NKAIN3: variants seen among roughly 807,000 people sequenced by gnomAD.
The protein encoded by NKAIN3 is sodium/potassium-transporting ATPase subunit beta-1-interacting protein 3.
In NKAIN3, 25 loss-of-function variants were observed where a neutral mutation model predicts 30.2. The ratio of observed to expected loss-of-function variants is 0.83; its 90% CI spans 0.60 to 1.16. The LOEUF is 1.16. Ranked by LOEUF, NKAIN3 falls within the 50% of genes most tolerant of loss-of-function variation. NKAIN3 has a pLI of 0.00. For synonymous variants in NKAIN3, 91 were observed against 89.6 expected, an observed-to-expected ratio of 1.02 and a Z score of -0.09; for missense variants, 225 against 254.1, an observed-to-expected ratio of 0.89 and a Z score of 0.78.
In NKAIN3 at chr8:62,581,470, C is replaced by G. The variant is rs898386671; in HGVS notation, c.192+1794C>G. Among the ~76,000 whole-genome samples, 13 of 152,336 alleles carry G rather than the reference C, an allele frequency of 8.5e-5. No homozygotes were observed. The East Asian group carries it at 2.5e-3, about 29-fold the overall frequency. ...CATTTAGTCCTGGTGATTTTACCCT[C>G]TAAATGTTAACCGTATGCACTATTC... On this transcript the variant is annotated intron_variant, in intron 2 of 6. Coordinates refer to ENST00000623646, the MANE Select transcript of NKAIN3 (RefSeq NM_001304533.3).
intron 4 of NKAIN3, among the ~76,000 whole-genome samples, chr8:62,899,817 T>G (rs1179045698): frequency 6.6e-6 from 1 of 152,162 alleles, no homozygotes; most frequent in East Asian, 1.9e-4. Flanking sequence ...GGGATTATTA[T>G]GCATTCCATG....
At chr8:62,908,405 C>T (rs978075483) in intron 4 of NKAIN3, among the ~76,000 whole-genome samples, 1 of 152,078 alleles carries the variant, frequency 6.6e-6, no homozygotes, top group South Asian at 2.1e-4. Context: ...GTTGGGAAGG[C>T]ATGATTCATT....
chr8:62,537,432 A>G (rs906020217), intron 1 of NKAIN3, among the ~76,000 whole-genome samples: 1 of 152,176 alleles, frequency 6.6e-6, no homozygotes, highest in African/African-American at 2.4e-5. Flanking sequence ...GAGGAAGCCA[A>G]TATAAGTTAT....
Position 62,968,835 on chromosome 8 carries a change from T to C in NKAIN3, c.*3428T>C, listed in dbSNP as rs1043453567. On this transcript the variant is annotated 3_prime_UTR_variant, in exon 7 of 7. Coordinates refer to ENST00000623646, the MANE Select transcript of NKAIN3 (RefSeq NM_001304533.3). ...CTGGGATGCTTTCGAGCTTACTTTT[T>C]CTTTATTTGAGCTTCTGGTCATGTT... Among the ~76,000 whole-genome samples the C allele has an allele frequency of 1.5e-4, 23 of 152,268 alleles. No individual in the cohort carries two copies. The highest frequency in any genetic ancestry group is 5.3e-4 in the African/African-American group (22 of 41,560).
At chr8:62,607,949 CAT>C (rs1203644124) in intron 3 of NKAIN3, among the ~76,000 whole-genome samples, 1 of 152,116 alleles carries the variant, frequency 6.6e-6, no homozygotes, top group East Asian at 1.9e-4. Flanking sequence ...TCCTAGCAAG[CAT>C]AATCTTGCAA....
At chr8:62,488,106 G>A (rs1281593295) in intron 1 of NKAIN3, among the ~76,000 whole-genome samples, 1 of 152,026 alleles carries the variant, frequency 6.6e-6, no homozygotes, top group African/African-American at 2.4e-5. Context: ...TTATAAAGTT[G>A]GAGATCACTC....
intron 3 of NKAIN3, among the ~76,000 whole-genome samples, chr8:62,705,126 C>T (rs1442690603): frequency 6.6e-6 from 1 of 150,802 alleles, no homozygotes; most frequent in Non-Finnish European, 1.5e-5. Context: ...AACCATAAAA[C>T]ATCTTTTTTA....
intron 1 of NKAIN3, among the ~76,000 whole-genome samples, chr8:62,462,234 C>T (rs754766206): frequency 7.2e-5 from 11 of 151,962 alleles, no homozygotes; most frequent in African/African-American, 2.7e-4. Context: ...TCCATTTTTT[C>T]AAAGAAGTTA....
chr8:62,962,370 AAT>A (rs1223539380), intron 6 of NKAIN3, among the ~76,000 whole-genome samples: 2 of 152,254 alleles, frequency 1.3e-5, no homozygotes, highest in Non-Finnish European at 2.9e-5. Flanking sequence ...TCAACAAACC[AAT>A]TGTAATGAGA....
At chr8:62,328,105 A>G (rs1240811655) in intron 1 of NKAIN3, among the ~76,000 whole-genome samples, 1 of 152,098 alleles carries the variant, frequency 6.6e-6, no homozygotes, top group Non-Finnish European at 1.5e-5. Context: ...TTATAGACTG[A>G]AAAATGTATA....
intron 5 of NKAIN3, among the ~76,000 whole-genome samples, chr8:62,952,326 G>A (rs1823306190): frequency 6.6e-6 from 1 of 152,222 alleles, no homozygotes; most frequent in African/African-American, 2.4e-5. Context: ...GAATTCAAGT[G>A]CACAGGAAAC....
intron 3 of NKAIN3, among the ~76,000 whole-genome samples, chr8:62,624,980 C>T (rs1397512970): frequency 6.6e-6 from 1 of 151,958 alleles, no homozygotes; most frequent in Non-Finnish European, 1.5e-5. Flanking sequence ...GCTCTTTTTA[C>T]ATCGTCTATC....
intron 1 of NKAIN3, among the ~76,000 whole-genome samples, chr8:62,565,013 T>C (rs1211302408): frequency 6.6e-6 from 1 of 152,202 alleles, no homozygotes; most frequent in Admixed American, 6.6e-5. Context: ...AAGCATTTCA[T>C]ACACTTGGAA....
In NKAIN3 at chr8:62,687,734, G is replaced by A. The variant is rs531909241; in HGVS notation, c.274-59198G>A. Reference sequence around the variant, plus strand: ...TTCTAATTCACCAGTCAACATTATCGTTTTCAAATTTGTCAGAAACCCCTG... The same window carrying A: ...TTCTAATTCACCAGTCAACATTATCATTTTCAAATTTGTCAGAAACCCCTG... On this transcript the variant is annotated intron_variant, in intron 3 of 6. Coordinates refer to ENST00000623646, the MANE Select transcript of NKAIN3 (RefSeq NM_001304533.3). Among the ~76,000 whole-genome samples the A allele has an allele frequency of 8.7e-4, 132 of 152,182 alleles. 1 individual carries two copies. The highest frequency in any genetic ancestry group is 3.4e-3 in the Middle Eastern group (1 of 294).
chr8:62,465,135 GA>G (rs776770906), intron 1 of NKAIN3, among the ~76,000 whole-genome samples: 2 of 152,096 alleles, frequency 1.3e-5, no homozygotes, highest in Non-Finnish European at 2.9e-5. Context: ...AGATTAAAGA[GA>G]TTGCTTAACT....
chr8:62,253,764 G>T (rs1370354834), intron 1 of NKAIN3, among the ~76,000 whole-genome samples: 2 of 152,138 alleles, frequency 1.3e-5, no homozygotes, highest in Non-Finnish European at 2.9e-5. Context: ...CTGTAGGGGG[G>T]TGGTGTAGCT....
chr8:62,508,531 C>T (rs1315624178), intron 1 of NKAIN3, among the ~76,000 whole-genome samples: 9 of 152,194 alleles, frequency 5.9e-5, no homozygotes, highest in Admixed American at 1.3e-4. Context: ...CCTCATTGTC[C>T]GGGGACCAGT....
At chr8:62,949,805 G>C (rs1027114091) in intron 5 of NKAIN3, among the ~76,000 whole-genome samples, 4 of 151,948 alleles carry the variant, frequency 2.6e-5, no homozygotes, top group Admixed American at 2.6e-4. Flanking sequence ...TGTACTGCAG[G>C]CTCCCAGCAA....
chr8:62,546,061 T>G (rs74885687), intron 1 of NKAIN3, among the ~76,000 whole-genome samples: 2,370 of 152,296 alleles, frequency 0.016, 60 homozygotes, highest in African/African-American at 0.054. Flanking sequence ...AACACGATCT[T>G]TTGCAAGTAG....
Sources: allele counts gnomAD v4.1 joint callset (sites outside exome capture counted in the v4.1 genomes callset), GRCh38; gene constraint gnomAD v4.1.1; transcripts MANE v1.5; gene names NCBI Gene and HGNC (gene_info 2026-07-23, HGNC 2026-07-21).